Variants in SPATA13 observed in about 807,000 individuals in gnomAD.
SPATA13 encodes the protein spermatogenesis associated 13.
A neutral mutation model predicts 104.0 loss-of-function variants in SPATA13; 50 were observed. The observed-to-expected ratio is 0.48, with a 90% CI of 0.38 to 0.61. The LOEUF (loss-of-function observed/expected upper bound fraction) is 0.61, where lower values mean the gene tolerates loss of function less well. Among genes scored for constraint, SPATA13 ranks in the 20% least tolerant of loss-of-function variants. SPATA13 has a pLI of 0.00. For missense variants in SPATA13, 1,524 were observed against 1,690.6 expected (o/e 0.90, Z 1.73); for synonymous variants, 606 against 667.5 (o/e 0.91, Z 1.42).
chr13:24,038,214 A>G (rs1877787068), intron 3 of SPATA13, among the ~76,000 whole-genome samples: 1 of 152,222 alleles, frequency 6.6e-6, no homozygotes. Flanking sequence ...CGCCCGGCCA[A>G]CTAGGCTAGA....
chr13:24,202,589 C>CTT (rs11396232), intron 1 of SPATA13, among the ~76,000 whole-genome samples: 3,152 of 123,778 alleles, frequency 0.025, 119 homozygotes, highest in African/African-American at 0.085. Flanking sequence ...GTTCCTGTGA[C>CTT]TTTTTTTTTT....
intron 1 of SPATA13, among the ~76,000 whole-genome samples, chr13:24,174,311 A>T (rs1244684968): frequency 6.6e-6 from 1 of 151,580 alleles, no homozygotes; most frequent in African/African-American, 2.4e-5. Flanking sequence ...TTCTATTGAT[A>T]TTTGTTTTTA....
chr13:24,028,942 A>G (rs1877354334), intron 3 of SPATA13, among the ~76,000 whole-genome samples: 1 of 149,850 alleles, frequency 6.7e-6, no homozygotes, highest in African/African-American at 2.5e-5. Context: ...TTTATAATCT[A>G]CATCTAATAA....
chr13:24,036,403 A>G (rs2137722343), intron 3 of SPATA13, among the ~76,000 whole-genome samples: 1 of 152,324 alleles, frequency 6.6e-6, no homozygotes, highest in South Asian at 2.1e-4. Flanking sequence ...ATGGAAGTGT[A>G]AAAAGGAGGA....
At chr13:24,209,402 A>T (rs1016763478) in intron 1 of SPATA13, among the ~76,000 whole-genome samples, 14 of 152,206 alleles carry the variant, frequency 9.2e-5, no homozygotes, top group African/African-American at 3.4e-4. Context: ...AGAGATGAAA[A>T]GACAGCTCTT....
chr13:24,016,395 A>G (rs1175063560), intron 2 of SPATA13, among the ~76,000 whole-genome samples: 2 of 152,160 alleles, frequency 1.3e-5, no homozygotes, highest in Admixed American at 1.3e-4. Flanking sequence ...ATCACCCTGG[A>G]TGTCACATCA....
chr13:24,112,432 A>G (rs1386592190), intron 3 of SPATA13, among the ~76,000 whole-genome samples: 1 of 152,198 alleles, frequency 6.6e-6, no homozygotes, highest in East Asian at 1.9e-4. Flanking sequence ...ACTTGAGCTC[A>G]GTATACACTG....
intron 2 of SPATA13, among the ~76,000 whole-genome samples, chr13:24,231,025 C>T (rs1872240231): frequency 6.6e-6 from 1 of 152,126 alleles, no homozygotes; most frequent in African/African-American, 2.4e-5. Flanking sequence ...TGTGTGCAGC[C>T]ACTACCACCG....
chr13:24,192,340 C>G (rs1239899844), intron 1 of SPATA13, among the ~76,000 whole-genome samples: 3 of 152,098 alleles, frequency 2.0e-5, no homozygotes, highest in African/African-American at 7.2e-5. Context: ...CTGTAGTTCT[C>G]TGCTTGTGTT....
chr13:24,219,756 G>C (rs1334162044), intron 1 of SPATA13, among the ~76,000 whole-genome samples: 1 of 152,230 alleles, frequency 6.6e-6, no homozygotes, highest in East Asian at 1.9e-4. Flanking sequence ...GACACCTGCA[G>C]TTCGTCTCAA....
At chr13:24,199,273 G>A (rs557347530) in intron 1 of SPATA13, among the ~76,000 whole-genome samples, 23 of 152,294 alleles carry the variant, frequency 1.5e-4, no homozygotes, top group South Asian at 1.0e-3. Flanking sequence ...TTTGCCAGCC[G>A]CTGAGCTCTT....
intron 3 of SPATA13, among the ~76,000 whole-genome samples, chr13:24,061,710 T>C (rs1384749645): frequency 6.6e-6 from 1 of 151,694 alleles, no homozygotes; most frequent in African/African-American, 2.4e-5. Flanking sequence ...AACACTGGGG[T>C]CTAATTGAGA....
intron 3 of SPATA13, among the ~76,000 whole-genome samples, chr13:24,063,354 A>T (rs188242377): frequency 6.6e-6 from 1 of 152,194 alleles, no homozygotes; most frequent in African/African-American, 2.4e-5. Flanking sequence ...TGAAATTTGT[A>T]CACATTGTGG....
chr13:24,282,755 G>A (rs967472972), intron 4 of SPATA13, among the ~76,000 whole-genome samples: 1 of 152,232 alleles, frequency 6.6e-6, no homozygotes, highest in Non-Finnish European at 1.5e-5. Flanking sequence ...TGGAGTTCCA[G>A]CTACTTGTCA....
At position 24,153,761 on chromosome 13, in the gene SPATA13, T is replaced by C. The variant is rs1882174785; in HGVS notation, c.-111-69058T>C. Among the ~76,000 whole-genome samples, 2 of 152,200 alleles carry C rather than the reference T, an allele frequency of 1.3e-5. 1 individual carries two copies. Among genetic ancestry groups the C allele is most frequent in the South Asian group, 4.1e-4 (2 of 4,832 alleles). ...TAAAAGAGGAGGTCATTTTGAAATA[T>C]CCATGGAGATTGATGACCACTAAAA... On this transcript the variant is annotated intron_variant, in intron 3 of 14. Coordinates refer to the SPATA13 transcript ENST00000424834.
chr13:24,133,868 T>C (rs1881467096), intron 3 of SPATA13, among the ~76,000 whole-genome samples: 2 of 152,240 alleles, frequency 1.3e-5, no homozygotes, highest in Middle Eastern at 3.4e-3. Context: ...GTCCCCAGGA[T>C]GTGGCCTCCA....
In SPATA13 at chr13:24,224,565, G is replaced by A; in HGVS notation, c.1636G>A (p.Glu546Lys). The A allele has an allele frequency of 6.5e-7, 1 of 1,539,146 alleles. No individual in the cohort carries two copies. The highest frequency in any genetic ancestry group is 8.7e-7 in the Non-Finnish European group (1 of 1,146,890). ...CATTGGTGTGGCAGCCGGCCCAGAA[G>A]AAAAGGAGAAGGAGGAGGTAAGGGC... ...VNIGVAAGPE[E>K]KEKEEVVPDG... The change falls in exon 2 of 13, where the codon GAA (glutamate) becomes AAA (lysine). Residue 546 changes from glutamate to lysine, a missense_variant. Coordinates refer to ENST00000382108, the MANE Select transcript of SPATA13 (RefSeq NM_001166271.3).
chr13:24,256,404 A>G (rs1208330012), intron 4 of SPATA13, among the ~76,000 whole-genome samples: 3 of 152,356 alleles, frequency 2.0e-5, no homozygotes, highest in African/African-American at 7.2e-5. Flanking sequence ...TGATTTGCTC[A>G]TTCCACATTG....
chr13:24,248,994 C>T (rs932584741), intron 2 of SPATA13, among the ~76,000 whole-genome samples: 4 of 152,064 alleles, frequency 2.6e-5, no homozygotes, highest in Non-Finnish European at 5.9e-5. Flanking sequence ...CTCAGCCTCC[C>T]AAGTAGGTGG....
Sources: gnomAD v4.1 joint callset for allele counts (sites outside exome capture counted in the v4.1 genomes callset) on GRCh38, gnomAD v4.1.1 for gene constraint, MANE v1.5 for transcripts, NCBI Gene and HGNC (gene_info 2026-07-23, HGNC 2026-07-21) for gene names.